Variants in CNTN6 observed in about 807,000 individuals in gnomAD.
CNTN6 encodes the protein contactin 6.
Under a neutral mutation model 122.8 loss-of-function variants are expected in CNTN6, and 137 were observed. The observed-to-expected ratio is 1.12, with a 90% CI of 0.97 to 1.29. The LOEUF is 1.29. Ranked by LOEUF, CNTN6 falls within the 50% of genes most tolerant of loss-of-function variation. The pLI is 0.00. For synonymous variants in CNTN6, 570 were observed against 426.0 expected, an observed-to-expected ratio of 1.34 and a Z score of -4.16; for missense variants, 1,634 against 1,223.4, an observed-to-expected ratio of 1.34 and a Z score of -5.01.
intron 2 of CNTN6, among the ~76,000 whole-genome samples, chr3:1,178,290 C>T (rs1036418964): frequency 1.3e-5 from 2 of 152,088 alleles, no homozygotes; most frequent in African/African-American, 4.8e-5. Flanking sequence ...CTCTTTCTCT[C>T]TTTGTGTTTT....
At chr3:1,332,521 AGGAAGGAAGGAGGGAG>A (rs1702450382) in intron 11 of CNTN6, among the ~76,000 whole-genome samples, 1 of 149,874 alleles carries the variant, frequency 6.7e-6, no homozygotes, top group Non-Finnish European at 1.5e-5. Flanking sequence ...GAAGGAAGGA[AGGAAGGAAGGAGGGAG>A]GGAAGGAAGG....
chr3:1,183,426 A>C (rs2093586000), intron 2 of CNTN6, among the ~76,000 whole-genome samples: 1 of 151,940 alleles, frequency 6.6e-6, no homozygotes, highest in Admixed American at 6.6e-5. Context: ...CCAGGTAATC[A>C]GGCTCTTGGC....
chr3:1,315,414 G>A (rs1051041235), intron 7 of CNTN6, among the ~76,000 whole-genome samples: 5 of 151,832 alleles, frequency 3.3e-5, no homozygotes, highest in South Asian at 2.1e-4. Context: ...ATAAATTAGC[G>A]TGCTCTGGAA....
intron 1 of CNTN6, among the ~76,000 whole-genome samples, chr3:1,118,462 A>G (rs368805552): frequency 4.3e-4 from 65 of 152,268 alleles, no homozygotes; most frequent in African/African-American, 1.1e-3. Flanking sequence ...TAGGTAAACA[A>G]TTTGGCCAAG....
At chr3:1,373,900 G>A (rs1709477759) in intron 15 of CNTN6, 24 bp from the exon 16 acceptor site, 3 of 1,598,394 alleles carry the variant, frequency 1.9e-6, no homozygotes, top group African/African-American at 2.7e-5. Context: ...CAACCTAGGT[G>A]CCTTAGTGTC....
At chr3:1,373,084 T>A in intron 14 of CNTN6, 129 bp downstream of exon 14, 1 of 606,010 alleles carries the variant, frequency 1.7e-6, no homozygotes, top group Non-Finnish European at 2.9e-6. Flanking sequence ...GAGTTTTATT[T>A]TTTAAACCCC....
At chr3:1,320,034 G>C (rs536633263) in intron 7 of CNTN6, among the ~76,000 whole-genome samples, 2 of 151,340 alleles carry the variant, frequency 1.3e-5, no homozygotes, top group African/African-American at 4.8e-5. Flanking sequence ...CGTTCTTATT[G>C]GTTAGTATGC....
chr3:1,142,898 A>T (rs1439402711), intron 1 of CNTN6, among the ~76,000 whole-genome samples: 3 of 150,148 alleles, frequency 2.0e-5, no homozygotes, highest in African/African-American at 7.4e-5. Flanking sequence ...ATGTATTTTT[A>T]TTTGCATGCA....
chr3:1,214,768 T>C (rs1226608483), intron 2 of CNTN6, among the ~76,000 whole-genome samples: 3 of 152,160 alleles, frequency 2.0e-5, no homozygotes, highest in Non-Finnish European at 4.4e-5. Flanking sequence ...TGTGTATGTA[T>C]GTGTGTGTGA....
intron 20 of CNTN6, among the ~76,000 whole-genome samples, chr3:1,392,059 A>T (rs1694232467): frequency 6.6e-6 from 1 of 152,218 alleles, no homozygotes; most frequent in Non-Finnish European, 1.5e-5. Flanking sequence ...AAACTACTTT[A>T]AAGTTCATAT....
intron 2 of CNTN6, among the ~76,000 whole-genome samples, chr3:1,219,726 T>C (rs1418685622): frequency 6.6e-6 from 1 of 152,040 alleles, no homozygotes; most frequent in Non-Finnish European, 1.5e-5. Context: ...AGAGACATAA[T>C]TAAGAGAGGC....
At chr3:1,154,459 T>C (rs1001236991) in intron 2 of CNTN6, among the ~76,000 whole-genome samples, 1 of 151,590 alleles carries the variant, frequency 6.6e-6, no homozygotes, top group African/African-American at 2.4e-5. Context: ...TTTTTTTTTT[T>C]TGAGGTGGAG....
At chr3:1,111,005 G>C (rs1362180326) in intron 1 of CNTN6, among the ~76,000 whole-genome samples, 3 of 152,100 alleles carry the variant, frequency 2.0e-5, no homozygotes, top group African/African-American at 7.2e-5. Flanking sequence ...TGATTTCACT[G>C]GCCTCATTTT....
intron 2 of CNTN6, among the ~76,000 whole-genome samples, chr3:1,217,826 C>T (rs1473438600): frequency 6.6e-6 from 1 of 152,192 alleles, no homozygotes; most frequent in Non-Finnish European, 1.5e-5. Flanking sequence ...GGGTATTCTC[C>T]TGCCTTTTCA....
chr3:1,278,514 A>G lies in CNTN6; in HGVS notation c.454+6A>G. ...CCCACCGCCACATTTTGGAGGTATG[A>G]TGGGGTGATTTGGGTCATATCATCA... On this transcript the variant is annotated splice_donor_region_variant and intron_variant, in intron 5 of 22. Transcript: ENST00000446702. The G allele has an allele frequency of 6.2e-7, 1 of 1,607,100 alleles. No homozygotes were observed. The highest frequency in any genetic ancestry group is 2.2e-5 in the East Asian group (1 of 44,798).
At chr3:1,245,278 C>CATATA (rs1559597056) in intron 4 of CNTN6, among the ~76,000 whole-genome samples, 1 of 5,898 alleles carries the variant, frequency 1.7e-4, no homozygotes, top group Non-Finnish European at 3.1e-4. Context: ...TATATATACA[C>CATATA]ACACATATAT....
At position 1,145,419 on chromosome 3, in the gene CNTN6, T is replaced by G. The variant is rs1333430910; in HGVS notation, c.-82-2508T>G. Among the ~76,000 whole-genome samples, 3 of 152,192 alleles carry G rather than the reference T, an allele frequency of 2.0e-5. No individual in the cohort carries two copies. In the East Asian group the frequency reaches 5.8e-4, roughly 29 times the overall value. ...CAAATAACTCCCCAGCTGTATTGTC[T>G]GATGGTACATAGGGAGATGGTTCCT... On this transcript the variant is annotated intron_variant, in intron 1 of 22. Transcript: ENST00000446702.
chr3:1,128,122 TAG>T (rs2092227950), intron 1 of CNTN6: 1 of 152,014 alleles, frequency 6.6e-6, no homozygotes, highest in South Asian at 2.1e-4. Context: ...TGTTGAATTA[TAG>T]AGACAGTTGT....
rs1038975245 is a variant in CNTN6 at position 1,329,841 on chromosome 3, G to T, written c.1270G>T (p.Gly424Cys). 1 of 1,610,596 alleles carries T rather than the reference G, an allele frequency of 6.2e-7. No homozygotes were observed. The highest frequency in any genetic ancestry group is 1.1e-5 in the South Asian group (1 of 90,788). Residue 424 changes from glycine to cysteine, a missense_variant, in exon 11 of 23, where the codon GGT (glycine) becomes TGT (cysteine). Gly to Cys is a radical substitution (Grantham distance 159). Coordinates refer to ENST00000446702, the MANE Select transcript of CNTN6 (RefSeq NM_001289080.2). ...TAAAAAAAAGTCTTTTGTTCAAGTT[G>T]GTGGGGATATTGTTATCGGATGCAA... Reference protein sequence around the residue: ...PVKKKSFVQVGGDIVIGCKPN... With the variant: ...PVKKKSFVQVCGDIVIGCKPN...
Sources: gnomAD v4.1 joint callset for allele counts (sites outside exome capture counted in the v4.1 genomes callset) on GRCh38, gnomAD v4.1.1 for gene constraint, MANE v1.5 for transcripts, NCBI Gene and HGNC (gene_info 2026-07-23, HGNC 2026-07-21) for gene names.